Variants in PPP1R9A observed in about 807,000 individuals in gnomAD.
PPP1R9A encodes neurabin-1.
Under a neutral mutation model 141.9 loss-of-function variants are expected in PPP1R9A, and 59 were observed. That is an observed-to-expected ratio of 0.42 (90% CI 0.34 to 0.52). The LOEUF is 0.52. Among genes scored for constraint, PPP1R9A ranks in the 20% least tolerant of loss-of-function variants. PPP1R9A has a pLI of 0.10. For missense variants in PPP1R9A, 1,444 were observed against 1,611.9 expected, an observed-to-expected ratio of 0.90 and a Z score of 1.78; for synonymous variants, 500 against 569.7, an observed-to-expected ratio of 0.88 and a Z score of 1.74.
intron 2 of PPP1R9A, among the ~76,000 whole-genome samples, chr7:95,010,247 T>C (rs775350418): frequency 1.9e-4 from 29 of 151,848 alleles, no homozygotes; most frequent in Non-Finnish European, 3.4e-4. Context: ...ATAATAATAA[T>C]AATAAAAATA....
At chr7:95,200,728 T>C (rs1442644263) in intron 6 of PPP1R9A, among the ~76,000 whole-genome samples, 1 of 152,246 alleles carries the variant, frequency 6.6e-6, no homozygotes, top group Non-Finnish European at 1.5e-5. Flanking sequence ...ATCAGAGTTG[T>C]CACCTGAGCA....
intron 2 of PPP1R9A, among the ~76,000 whole-genome samples, chr7:94,944,514 T>C (rs1795691002): frequency 6.6e-6 from 1 of 150,826 alleles, no homozygotes; most frequent in African/African-American, 2.4e-5. Context: ...CATCGTTCTT[T>C]AGATTTGCTA....
intron 2 of PPP1R9A, among the ~76,000 whole-genome samples, chr7:95,005,934 A>C (rs1464777117): frequency 6.6e-6 from 1 of 152,170 alleles, no homozygotes; most frequent in Non-Finnish European, 1.5e-5. Flanking sequence ...GATGAGAAGA[A>C]TCATAGAATT....
At chr7:95,057,926 G>T (rs1811712014) in intron 2 of PPP1R9A, among the ~76,000 whole-genome samples, 1 of 152,102 alleles carries the variant, frequency 6.6e-6, no homozygotes, top group African/African-American at 2.4e-5. Context: ...GAATTGGGGA[G>T]ACCTTTGTTC....
At chr7:95,093,999 C>T (rs948489662) in intron 2 of PPP1R9A, among the ~76,000 whole-genome samples, 5 of 152,152 alleles carry the variant, frequency 3.3e-5, no homozygotes, top group African/African-American at 1.2e-4. Context: ...TAAGACTCTG[C>T]CTCACTCCAA....
rs560281617 is a variant in PPP1R9A at position 95,001,983 on chromosome 7, G to A, written c.1395+90475G>A. ...TTTAGTGTTCGTGTGAGTGTCACAA[G>A]CCATGCTTTTTAGAAACCAGAATTT... is the stretch of plus-strand genomic sequence containing the variant. On this transcript the variant is annotated intron_variant, in intron 2 of 19. Coordinates refer to ENST00000433360, the MANE Select transcript of PPP1R9A (RefSeq NM_001166160.2). Among the ~76,000 whole-genome samples, 4 of 152,284 alleles carry A rather than the reference G, an allele frequency of 2.6e-5. No individual in the cohort carries two copies. In the South Asian group the frequency reaches 8.3e-4, roughly 32 times the overall value.
At chr7:94,966,529 T>C (rs1242827963) in intron 2 of PPP1R9A, among the ~76,000 whole-genome samples, 1 of 152,116 alleles carries the variant, frequency 6.6e-6, no homozygotes, top group Non-Finnish European at 1.5e-5. Flanking sequence ...CATGAAGGGG[T>C]GTTGAATTTT....
chr7:94,948,432 A>G (rs553414443), intron 2 of PPP1R9A, among the ~76,000 whole-genome samples: 2 of 151,844 alleles, frequency 1.3e-5, no homozygotes, highest in Non-Finnish European at 2.9e-5. Flanking sequence ...GGAGGTTTCT[A>G]TTTGGGTATC....
chr7:95,000,323 A>G (rs2151511554), intron 2 of PPP1R9A, among the ~76,000 whole-genome samples: 1 of 152,216 alleles, frequency 6.6e-6, no homozygotes, highest in Middle Eastern at 3.4e-3. Flanking sequence ...ATCTCAAGAA[A>G]ACTGTTCTTT....
At chr7:95,088,412 T>C (rs1816911053) in intron 2 of PPP1R9A, among the ~76,000 whole-genome samples, 1 of 151,862 alleles carries the variant, frequency 6.6e-6, no homozygotes, top group Admixed American at 6.6e-5. Flanking sequence ...CTTTCTAACA[T>C]TGAATTTGGA....
At chr7:95,133,163 A>T (rs1824965801) in intron 4 of PPP1R9A, among the ~76,000 whole-genome samples, 1 of 152,152 alleles carries the variant, frequency 6.6e-6, no homozygotes, top group Non-Finnish European at 1.5e-5. Flanking sequence ...GGCTAATAAT[A>T]GGAAAGTGCA....
At chr7:95,173,381 T>C (rs1234476) in intron 5 of PPP1R9A, among the ~76,000 whole-genome samples, 90,276 of 151,514 alleles carry the variant, frequency 0.6, 27,285 homozygotes, top group African/African-American at 0.69. Flanking sequence ...CCCACTACTA[T>C]GCAATATATC....
chr7:95,014,015 AAAGTTACAGTCATG>A (rs1804769634), intron 2 of PPP1R9A, among the ~76,000 whole-genome samples: 1 of 152,058 alleles, frequency 6.6e-6, no homozygotes, highest in African/African-American at 2.4e-5. Context: ...TATTTGAGAT[AAAGTTACAGTCATG>A]ATTATGTTTT....
At chr7:95,208,956 T>TAAAAAAAAAAAAAAA (rs10670515) in intron 7 of PPP1R9A, among the ~76,000 whole-genome samples, 3 of 76,922 alleles carry the variant, frequency 3.9e-5, no homozygotes, top group Admixed American at 1.6e-4. Flanking sequence ...ATAGCAAAAC[T>TAAAAAAAAAAAAAAA]AAAAAAAAAA....
chr7:94,943,624 CT>C (rs11310530), intron 2 of PPP1R9A, among the ~76,000 whole-genome samples: 91,728 of 151,958 alleles, frequency 0.6, 28,427 homozygotes, highest in African/African-American at 0.74. Flanking sequence ...ATGATTGCCT[CT>C]TAAGTCATCT....
intron 2 of PPP1R9A, among the ~76,000 whole-genome samples, chr7:95,084,752 T>C (rs1389281143): frequency 6.6e-6 from 1 of 152,060 alleles, no homozygotes; most frequent in East Asian, 1.9e-4. Flanking sequence ...GCCCACTTAG[T>C]TGTAATCTAT....
chr7:94,976,901 T>G (rs1412096475), intron 2 of PPP1R9A, among the ~76,000 whole-genome samples: 1 of 152,036 alleles, frequency 6.6e-6, no homozygotes, highest in African/African-American at 2.4e-5. Flanking sequence ...TTATGTAGGT[T>G]ATATTCTTGC....
intron 2 of PPP1R9A, among the ~76,000 whole-genome samples, chr7:95,075,968 G>GT (rs1385714322): frequency 6.6e-6 from 1 of 152,160 alleles, no homozygotes; most frequent in African/African-American, 2.4e-5. Context: ...ACTAAGATTT[G>GT]TTTTGCAGAT....
At chr7:95,233,831 T>C (rs906432658) in intron 8 of PPP1R9A, among the ~76,000 whole-genome samples, 5 of 152,158 alleles carry the variant, frequency 3.3e-5, no homozygotes, top group African/African-American at 1.2e-4. Context: ...TAACCTACCA[T>C]GATCAAGTGG....
Sources: allele counts gnomAD v4.1 joint callset (sites outside exome capture counted in the v4.1 genomes callset), GRCh38; gene constraint gnomAD v4.1.1; transcripts MANE v1.5; gene names NCBI Gene and HGNC (gene_info 2026-07-23, HGNC 2026-07-21).